The following CYP19A1 variants were observed in gnomAD, a reference collection of about 807,000 sequenced individuals.
CYP19A1 encodes cytochrome P450 family 19 subfamily A member 1, also known as aromatase.
Under a neutral mutation model 44.4 loss-of-function variants are expected in CYP19A1, and 32 were observed. That is an observed-to-expected ratio of 0.72 (90% CI 0.54 to 0.97). CYP19A1 has a LOEUF of 0.97. CYP19A1 is among the 50% of genes least tolerant of loss of function. CYP19A1 has a pLI of 0.00. For missense variants in CYP19A1, 598 were observed against 637.8 expected (o/e 0.94, Z 0.67); for synonymous variants, 212 against 215.6 (o/e 0.98, Z 0.14).
chr15:51,252,126 C>T (rs561935688), intron 1 of CYP19A1, among the ~76,000 whole-genome samples: 37 of 152,264 alleles, frequency 2.4e-4, no homozygotes, highest in African/African-American at 7.9e-4. Context: ...TACACTGAGA[C>T]GTCAGGGAGG....
intron 1 of CYP19A1, among the ~76,000 whole-genome samples, chr15:51,246,601 C>T (rs1227664435): frequency 6.6e-6 from 1 of 152,172 alleles, no homozygotes. Flanking sequence ...ACAGCAGAGC[C>T]CAGGTGTCCT....
intron 1 of CYP19A1, among the ~76,000 whole-genome samples, chr15:51,264,808 A>T (rs568055387): frequency 6.6e-6 from 1 of 152,290 alleles, no homozygotes; most frequent in South Asian, 2.1e-4. Context: ...ATATCCTCAA[A>T]TGAGTCCAAT....
rs773158097 is a variant in CYP19A1 at position 51,210,684 on chromosome 15, T to C, written c.*124A>G. On this transcript the variant is annotated 3_prime_UTR_variant, in exon 10 of 10. Coordinates refer to ENST00000396402, the MANE Select transcript of CYP19A1 (RefSeq NM_000103.4). ...GCTTGGTGACAACCCATAGGAGGTATGCCTATAAAATGCCATGGGCCACTG... is the reference window on the plus strand; with the variant it reads ...GCTTGGTGACAACCCATAGGAGGTACGCCTATAAAATGCCATGGGCCACTG... The C allele has an allele frequency of 2.6e-6, 2 of 783,798 alleles. No homozygotes were observed. Among genetic ancestry groups the C allele is most frequent in the African/African-American group, 1.7e-5 (1 of 59,420 alleles). 48.6% of individuals were successfully genotyped at this position (783,798 alleles called of 1,614,324 possible). A position where few individuals can be genotyped will look rare whatever the true frequency, so the allele number is the denominator to read the frequency against.
intron 1 of CYP19A1, among the ~76,000 whole-genome samples, chr15:51,260,341 C>T (rs1415741209): frequency 1.3e-5 from 2 of 152,218 alleles, no homozygotes; most frequent in Non-Finnish European, 2.9e-5. Context: ...CCTATAGAAG[C>T]TAACCCACAG....
At chr15:51,250,935 G>A (rs2034282567) in intron 1 of CYP19A1, among the ~76,000 whole-genome samples, 1 of 152,184 alleles carries the variant, frequency 6.6e-6, no homozygotes, top group Non-Finnish European at 1.5e-5. Flanking sequence ...GGAAGGAAAA[G>A]GCAGAAGTGA....
At chr15:51,308,440 G>A (rs2036253298) in intron 1 of CYP19A1, among the ~76,000 whole-genome samples, 1 of 152,022 alleles carries the variant, frequency 6.6e-6, no homozygotes, top group Admixed American at 6.6e-5. Flanking sequence ...TTTTTTTAAA[G>A]AGGGGAATAA....
Position 51,222,362 on chromosome 15 carries a change from C to T in CYP19A1, c.615G>A (p.Arg205=), listed in dbSNP as rs1057323955. The T allele has an allele frequency of 1.2e-6, 2 of 1,614,056 alleles. No homozygotes were observed. Among genetic ancestry groups the T allele is most frequent in the Non-Finnish European group, 1.7e-6 (2 of 1,180,036 alleles). ...MLDTSNTLFL[R]IPLDESAIVV... is the part of the protein sequence containing the mutation. Reference sequence around the variant, plus strand: ...AAATTTCAGTACCGTCCAAAGGGATCCTCAAGAAGAGCGTGTTAGAGGTGT... The same window carrying T: ...AAATTTCAGTACCGTCCAAAGGGATTCTCAAGAAGAGCGTGTTAGAGGTGT... The change falls in exon 5 of 10, where the codon AGG becomes AGA. Residue 205 remains arginine, a synonymous_variant. Transcript: ENST00000396402.
intron 1 of CYP19A1, among the ~76,000 whole-genome samples, chr15:51,294,600 CCCGG>C (rs2035938736): frequency 7.2e-6 from 1 of 139,288 alleles, no homozygotes; most frequent in African/African-American, 3.1e-5. Flanking sequence ...CAGCCCCCCG[CCCGG>C]CCAGCTGCCC....
intron 9 of CYP19A1, 51 bp downstream of exon 9, chr15:51,212,269 C>A: frequency 7.8e-7 from 1 of 1,280,954 alleles, no homozygotes; most frequent in Non-Finnish European, 1.1e-6. Context: ...GAGGATTTAA[C>A]AGTTGACATT....
At chr15:51,248,447 A>C (rs1286850068) in intron 1 of CYP19A1, among the ~76,000 whole-genome samples, 2 of 152,258 alleles carry the variant, frequency 1.3e-5, no homozygotes, top group Non-Finnish European at 2.9e-5. Context: ...TGTCAGCCAT[A>C]GGGAACTCAC....
At chr15:51,222,187 A>T (rs2032142972) in intron 5 of CYP19A1, 162 bp downstream of exon 5, 1 of 1,320,302 alleles carries the variant, frequency 7.6e-7, no homozygotes, top group Non-Finnish European at 1.0e-6. Flanking sequence ...TTTATAAGTG[A>T]ACAAAGCAGA....
intron 1 of CYP19A1, among the ~76,000 whole-genome samples, chr15:51,294,944 G>C (rs921930137): frequency 3.3e-5 from 5 of 151,410 alleles, no homozygotes; most frequent in African/African-American, 1.2e-4. Context: ...GAAAGAGGTA[G>C]ACATGGGAGA....
intron 1 of CYP19A1, among the ~76,000 whole-genome samples, chr15:51,255,320 G>A (rs554657642): frequency 7.9e-5 from 12 of 152,344 alleles, no homozygotes; most frequent in Non-Finnish European, 1.6e-4. Context: ...GGTATGGGGA[G>A]TTGAAGGGAG....
At chr15:51,280,828 G>T (rs977841864) in intron 1 of CYP19A1, among the ~76,000 whole-genome samples, 9 of 152,212 alleles carry the variant, frequency 5.9e-5, no homozygotes, top group African/African-American at 2.2e-4. Flanking sequence ...CAGGTCACTT[G>T]TCCACAGGTA....
intron 3 of CYP19A1, among the ~76,000 whole-genome samples, chr15:51,228,605 C>T (rs2141081578): frequency 6.6e-6 from 1 of 152,314 alleles, no homozygotes; most frequent in Non-Finnish European, 1.5e-5. Flanking sequence ...TGGGGCTCTG[C>T]CTTCCATCAT....
rs771106787 is a variant in CYP19A1, at chr15:51,237,009, C to T, written c.146G>A (p.Gly49Asp). 4 of 1,614,082 alleles carry T rather than the reference C, an allele frequency of 2.5e-6. No homozygotes were observed. The highest frequency in any genetic ancestry group is 3.4e-6 in the Non-Finnish European group (4 of 1,179,972). ...WNYEGTSSIP[G>D]PGYCMGIGPL... ...TCCAATTCCCATGCAGTAGCCAGGA[C>T]CTAGGACAGGTGTCAGAGCATAAGC... Residue 49 changes from glycine (G) to aspartate (D), a missense_variant and splice_region_variant, in exon 3 of 10, where the codon GGT (glycine) becomes GAT (aspartate). Gly to Asp is a moderately conservative substitution (Grantham distance 94). Transcript: ENST00000396402.
intron 1 of CYP19A1, among the ~76,000 whole-genome samples, chr15:51,295,941 G>A (rs967471538): frequency 2.6e-5 from 4 of 152,170 alleles, no homozygotes; most frequent in African/African-American, 9.7e-5. Context: ...GGGAGCACAT[G>A]AACGTTCTCA....
At chr15:51,314,682 C>T (rs1317215102) in intron 1 of CYP19A1, among the ~76,000 whole-genome samples, 1 of 152,200 alleles carries the variant, frequency 6.6e-6, no homozygotes, top group Non-Finnish European at 1.5e-5. Context: ...CTACCCATGT[C>T]GGAGACCCAG....
intron 1 of CYP19A1, among the ~76,000 whole-genome samples, chr15:51,287,372 T>C (rs1295716627): frequency 2.6e-5 from 4 of 152,200 alleles, no homozygotes; most frequent in Non-Finnish European, 4.4e-5. Context: ...CCTTGATACC[T>C]GTGTTCTCTG....
Sources: gnomAD v4.1 joint callset for allele counts (sites outside exome capture counted in the v4.1 genomes callset) on GRCh38, gnomAD v4.1.1 for gene constraint, MANE v1.5 for transcripts, NCBI Gene and HGNC (gene_info 2026-07-23, HGNC 2026-07-21) for gene names.